TMPRSS13: variants seen among roughly 807,000 people sequenced by gnomAD.
TMPRSS13 encodes the protein transmembrane serine protease 13.
A neutral mutation model predicts 68.4 loss-of-function variants in TMPRSS13; 50 were observed. That is an observed-to-expected ratio of 0.73 (90% confidence interval 0.58 to 0.93). The LOEUF is 0.93. Ranked by LOEUF, TMPRSS13 falls within the 40% of genes least tolerant of loss-of-function variation. The probability of loss-of-function intolerance (pLI) is 0.00; values close to 1 mark genes in which losing one functional copy is unlikely to be tolerated. For synonymous variants in TMPRSS13, 267 were observed against 285.8 expected, an observed-to-expected ratio of 0.93 and a Z score of 0.66; for missense variants, 615 against 729.2, an observed-to-expected ratio of 0.84 and a Z score of 1.80.
intron 4 of TMPRSS13, 91 bp from the exon 5 acceptor site, chr11:117,913,997 G>T: frequency 1.3e-6 from 2 of 1,481,604 alleles, no homozygotes; most frequent in Non-Finnish European, 1.8e-6. Context: ...TTGAGAAAGC[G>T]CTTGTCCTGA....
intron 1 of TMPRSS13, 144 bp from the exon 2 acceptor site, chr11:117,918,982 G>A (rs2057615031): frequency 1.7e-6 from 2 of 1,199,144 alleles, no homozygotes; most frequent in Non-Finnish European, 2.3e-6. Flanking sequence ...GCATCTGAGA[G>A]GAGGACTGTG....
chr11:117,912,577 G>T (rs1342515085), intron 5 of TMPRSS13, among the ~76,000 whole-genome samples: 1 of 152,160 alleles, frequency 6.6e-6, no homozygotes, highest in East Asian at 1.9e-4. Context: ...CTAGAACATG[G>T]TACACCCCTG....
At position 117,918,287 on chromosome 11, in the gene TMPRSS13, C is replaced by T. The variant is rs559940900; in HGVS notation, c.451+122G>A. On this transcript the variant is annotated intron_variant, in intron 2 of 12. Transcript: ENST00000524993. ...CCTCAGGTCCCTCACTTCCCACCCCCCTACCTCCCCTTCCCCGCATCGTTG... is the reference window on the plus strand; with the variant it reads ...CCTCAGGTCCCTCACTTCCCACCCCTCTACCTCCCCTTCCCCGCATCGTTG... The T allele has an allele frequency of 3.0e-5, 37 of 1,239,204 alleles. No homozygotes were observed. The African/African-American group carries it at 3.3e-4, about 11-fold the overall frequency. 76.8% of individuals were successfully genotyped at this position (1,239,204 alleles called of 1,614,324 possible).
intron 12 of TMPRSS13, chr11:117,903,392 C>T: frequency 6.5e-7 from 1 of 1,534,612 alleles, no homozygotes; most frequent in Non-Finnish European, 8.7e-7. Context: ...TCTGGGAGAA[C>T]ATCTGCCCAG....
intron 1 of TMPRSS13, among the ~76,000 whole-genome samples, chr11:117,927,697 T>C (rs1380727497): frequency 6.6e-6 from 1 of 152,158 alleles, no homozygotes; most frequent in East Asian, 1.9e-4. Context: ...TAATCAAGGT[T>C]AAGAAACCTG....
At position 117,917,212 on chromosome 11, in the gene TMPRSS13, C is replaced by T. The variant is rs745756031; in HGVS notation, c.514G>A (p.Val172Met). The T allele has an allele frequency of 1.9e-5, 31 of 1,612,886 alleles. No individual in the cohort carries two copies. Among genetic ancestry groups the T allele is most frequent in the African/African-American group, 2.7e-5 (2 of 74,918 alleles). The change falls in exon 3 of 13, where the codon GTG (valine) becomes ATG (methionine). Residue 172 changes from valine to methionine, a missense_variant. Coordinates refer to ENST00000524993, the MANE Select transcript of TMPRSS13 (RefSeq NM_001077263.3). ...ACCACCAGGGCAATGAGGAGGAGCA[C>T]GCACCCGATGAGCGGTAGCTGCTTC... ...GQKQLPLIGC[V>M]LLLIALVVSL...
At chr11:117,907,469 C>G (rs1382193364) in intron 9 of TMPRSS13, 2 of 152,152 alleles carry the variant, frequency 1.3e-5, no homozygotes, top group Non-Finnish European at 2.9e-5. Context: ...GACACCGCCT[C>G]CATAATTAAT....
rs114611983 is a variant in TMPRSS13 at position 117,908,221 on chromosome 11, T to G, written c.1282+391A>C. The G allele has an allele frequency of 2.7e-3, 1,404 of 513,804 alleles. 22 individuals carry two copies. Among genetic ancestry groups the G allele is most frequent in the African/African-American group, 0.024 (1,265 of 52,510 alleles). The allele number at this position is 513,804 out of a possible 1,614,324, so 31.8% of individuals were successfully genotyped here. On this transcript the variant is annotated intron_variant, in intron 9 of 12. Coordinates refer to ENST00000524993, the MANE Select transcript of TMPRSS13 (RefSeq NM_001077263.3). ...TTCCTCATATGTCAAATGAAGTTAA[T>G]AATAGTGCCTGCTCCACAGGGTTGG...
chr11:117,906,185 G>A (rs2057463733), intron 9 of TMPRSS13, among the ~76,000 whole-genome samples: 1 of 152,228 alleles, frequency 6.6e-6, no homozygotes, highest in East Asian at 1.9e-4. Flanking sequence ...CTGGTCTGGC[G>A]AGGGTACCCA....
intron 10 of TMPRSS13, among the ~76,000 whole-genome samples, chr11:117,904,702 G>A (rs1460628110): frequency 1.3e-5 from 2 of 151,794 alleles, no homozygotes; most frequent in African/African-American, 2.4e-5. Context: ...AAGGCACTCT[G>A]TGATTGGGAT....
At chr11:117,926,786 A>G (rs1365688068) in intron 1 of TMPRSS13, among the ~76,000 whole-genome samples, 1 of 152,196 alleles carries the variant, frequency 6.6e-6, no homozygotes. Context: ...GCACAGGTAG[A>G]AGAAGATGTT....
At chr11:117,908,168 A>G in intron 9 of TMPRSS13, 1 of 690,352 alleles carries the variant, frequency 1.4e-6, no homozygotes, top group Non-Finnish European at 2.0e-6. Context: ...TTGTGGCCTC[A>G]GGTAATTATC....
At chr11:117,925,871 C>T (rs188474883) in intron 1 of TMPRSS13, among the ~76,000 whole-genome samples, 36 of 152,394 alleles carry the variant, frequency 2.4e-4, no homozygotes, top group African/African-American at 8.4e-4. Context: ...CACTCCCGCA[C>T]GCTTACGCTC....
rs144783087 is a variant in TMPRSS13 at position 117,917,178 on chromosome 11, A to G, written c.548T>C (p.Ile183Thr). The change falls in exon 3 of 13, where the codon ATC becomes ACC. Residue 183 changes from isoleucine to threonine, a missense_variant. Ile to Thr is a moderately conservative substitution (Grantham distance 89). Coordinates refer to ENST00000524993, the MANE Select transcript of TMPRSS13 (RefSeq NM_001077263.3). ...CCCTCCATTCAACTCACAGAGGATG[A>G]TGAGCGAAACCACCAGGGCAATGAG... ...LLLIALVVSL[I>T]ILFQFWQGHT... 1.6e-4 allele frequency: 264 copies of G among 1,611,892 alleles called. No individual in the cohort carries two copies. The African/African-American group carries it at 3.1e-3, about 19-fold the overall frequency.
intron 1 of TMPRSS13, among the ~76,000 whole-genome samples, chr11:117,928,575 A>G (rs2057730093): frequency 6.6e-6 from 1 of 152,208 alleles, no homozygotes; most frequent in Non-Finnish European, 1.5e-5. Context: ...CCTGGAGGAA[A>G]AGAAAGTGGA....
intron 9 of TMPRSS13, 67 bp from the exon 10 acceptor site, chr11:117,905,803 G>T: frequency 7.7e-7 from 1 of 1,305,144 alleles, no homozygotes; most frequent in Non-Finnish European, 1.1e-6. Context: ...GGAGGGAGAA[G>T]GAGCACAACC....
chr11:117,920,491 ACCGTG>A (rs948830431), intron 1 of TMPRSS13, among the ~76,000 whole-genome samples: 2 of 151,542 alleles, frequency 1.3e-5, no homozygotes, highest in African/African-American at 4.9e-5. Context: ...GGTGTGCACC[ACCGTG>A]CCTGGCTAAT....
In TMPRSS13 at chr11:117,914,392, C is replaced by A. The variant is rs765748723; in HGVS notation, c.679G>T (p.Val227Leu). 7 of 1,613,556 alleles carry A rather than the reference C, an allele frequency of 4.3e-6. No individual in the cohort carries two copies. The African/African-American group carries it at 9.3e-5, about 22-fold the overall frequency. The part of the protein sequence containing the change: ...CKLKSDELGC[V>L]RFDWDKSLLK... ...GCTCCCCCGCACCCAGCCTCCTTAC[C>A]GCAGCCCAGCTCGTCACTCTTCAGC... The change falls in exon 4 of 13, where the codon GTG (valine) becomes TTG (leucine). Residue 227 changes from valine to leucine, a missense_variant and splice_region_variant. Transcript: ENST00000524993. The surrounding 1 kb of genome is among the most constrained non-coding windows in gnomAD (Gnocchi z 4.2).
chr11:117,907,830 A>T (rs1172829689), intron 9 of TMPRSS13: 5 of 985,258 alleles, frequency 5.1e-6, no homozygotes, highest in Non-Finnish European at 6.0e-6. Flanking sequence ...TCTATTTGCA[A>T]CTGTACTATA....
Sources: allele counts gnomAD v4.1 joint callset (sites outside exome capture counted in the v4.1 genomes callset), GRCh38; gene constraint gnomAD v4.1.1; non-coding constraint Gnocchi (gnomAD v3.1); transcripts MANE v1.5; gene names NCBI Gene and HGNC (gene_info 2026-07-23, HGNC 2026-07-21).